TBC1D22A: variants seen among roughly 807,000 people sequenced by gnomAD.
TBC1D22A encodes TBC1 domain family member 22A.
A neutral mutation model predicts 60.2 loss-of-function variants in TBC1D22A; 38 were observed. The ratio of observed to expected loss-of-function variants is 0.63; its 90% confidence interval spans 0.49 to 0.83. TBC1D22A has a LOEUF of 0.83. Among genes scored for constraint, TBC1D22A ranks in the 40% least tolerant of loss-of-function variants. The probability of loss-of-function intolerance (pLI) is 0.00; values close to 1 mark genes in which losing one functional copy is unlikely to be tolerated. For synonymous variants in TBC1D22A, 302 were observed against 281.7 expected (o/e 1.07, Z -0.72); for missense variants, 628 against 701.0 (o/e 0.90, Z 1.18).
At chr22:46,869,568 G>A (rs1366457950) in intron 4 of TBC1D22A, among the ~76,000 whole-genome samples, 1 of 152,248 alleles carries the variant, frequency 6.6e-6, no homozygotes, top group Non-Finnish European at 1.5e-5. Context: ...TGCTCAGCAA[G>A]TGCTGGCCAC....
chr22:46,865,740 C>T (rs112545677), intron 4 of TBC1D22A, among the ~76,000 whole-genome samples: 9 of 152,334 alleles, frequency 5.9e-5, no homozygotes, highest in African/African-American at 1.9e-4. Flanking sequence ...CCAATGCCCC[C>T]CCATGGGGGA....
chr22:46,874,510 C>T (rs561691214), intron 4 of TBC1D22A, among the ~76,000 whole-genome samples: 4 of 146,586 alleles, frequency 2.7e-5, no homozygotes, highest in Non-Finnish European at 4.5e-5. Context: ...ATTTCCCTAA[C>T]GATCAGTGAT....
At chr22:46,909,322 T>TCACA in intron 7 of TBC1D22A, among the ~76,000 whole-genome samples, 2 of 151,498 alleles carry the variant, frequency 1.3e-5, no homozygotes, top group South Asian at 2.1e-4. Flanking sequence ...ACTCACACAC[T>TCACA]CACTCACTCA....
At chr22:46,780,277 A>G (rs1302199204) in intron 1 of TBC1D22A, among the ~76,000 whole-genome samples, 1 of 152,216 alleles carries the variant, frequency 6.6e-6, no homozygotes, top group Non-Finnish European at 1.5e-5. Flanking sequence ...TTTACTTCAT[A>G]TATGTGAAAT....
intron 11 of TBC1D22A, among the ~76,000 whole-genome samples, chr22:47,098,208 G>T (rs1223535882): frequency 6.6e-6 from 1 of 152,172 alleles, no homozygotes; most frequent in East Asian, 1.9e-4. Flanking sequence ...AGAGAGATGT[G>T]TTATTTTTAA....
chr22:47,101,539 C>T (rs1324253053), intron 11 of TBC1D22A, among the ~76,000 whole-genome samples: 2 of 152,232 alleles, frequency 1.3e-5, no homozygotes, highest in Admixed American at 6.5e-5. Flanking sequence ...GGCCAAGGCC[C>T]CAGGAGGAAA....
intron 8 of TBC1D22A, among the ~76,000 whole-genome samples, chr22:46,956,601 G>A (rs942920604): frequency 3.9e-4 from 59 of 152,306 alleles, no homozygotes; most frequent in Admixed American, 1.2e-3. Context: ...AGTTGAAGGC[G>A]TTGTGCTGGG....
At chr22:46,850,184 G>A (rs1246425453) in intron 4 of TBC1D22A, among the ~76,000 whole-genome samples, 1 of 152,182 alleles carries the variant, frequency 6.6e-6, no homozygotes, top group East Asian at 1.9e-4. Context: ...CGAGTGCTGA[G>A]GGGCACGCAG....
At position 47,066,992 on chromosome 22, in the gene TBC1D22A, G is replaced by A. The variant is rs143458376; in HGVS notation, c.1329+29794G>A. Reference sequence around the variant, plus strand: ...TTAAAAAAACTCATTTTGGCCAGGCGCGGTGGCTCACGCCTGTAATCCCAG... The same window carrying A: ...TTAAAAAAACTCATTTTGGCCAGGCACGGTGGCTCACGCCTGTAATCCCAG... On this transcript the variant is annotated intron_variant, in intron 11 of 12. Transcript: ENST00000337137. 8.8e-4 allele frequency among the ~76,000 whole-genome samples: 134 copies of A among 152,270 alleles called. 1 individual carries two copies. The highest frequency in any genetic ancestry group is 3.0e-3 in the African/African-American group (125 of 41,568).
intron 12 of TBC1D22A, among the ~76,000 whole-genome samples, chr22:47,150,712 G>A (rs78845708): frequency 1.4e-4 from 21 of 152,290 alleles, no homozygotes; most frequent in Non-Finnish European, 2.2e-4. Context: ...AGGCCAGTAC[G>A]CGGTCTCCCC....
chr22:46,784,919 T>C (rs1364572276), intron 1 of TBC1D22A, among the ~76,000 whole-genome samples: 3 of 152,238 alleles, frequency 2.0e-5, no homozygotes, highest in African/African-American at 7.2e-5. Flanking sequence ...GTTAAAACTT[T>C]ACCAGCTAGT....
At chr22:47,124,573 A>G (rs2066385144) in intron 12 of TBC1D22A, among the ~76,000 whole-genome samples, 2 of 152,182 alleles carry the variant, frequency 1.3e-5, no homozygotes, top group South Asian at 2.1e-4. Flanking sequence ...GAGCTAACAC[A>G]TGCCTGGTGT....
intron 5 of TBC1D22A, among the ~76,000 whole-genome samples, chr22:46,880,818 C>T (rs1268747600): frequency 1.3e-5 from 2 of 152,030 alleles, no homozygotes; most frequent in Non-Finnish European, 2.9e-5. Context: ...ACAAGGGATA[C>T]GGATGAACGT....
chr22:47,113,172 C>T (rs560914031), intron 12 of TBC1D22A, among the ~76,000 whole-genome samples: 443 of 152,308 alleles, frequency 2.9e-3, no homozygotes, highest in Middle Eastern at 0.01. Flanking sequence ...CCTGGTAGGA[C>T]GGTGCCCAGA....
chr22:47,133,681 G>A (rs2066759774), intron 12 of TBC1D22A, among the ~76,000 whole-genome samples: 1 of 152,164 alleles, frequency 6.6e-6, no homozygotes, highest in South Asian at 2.1e-4. Context: ...ACCCTTGCCT[G>A]GAGCTCTCCC....
At chr22:47,083,096 A>G (rs1465638761) in intron 11 of TBC1D22A, among the ~76,000 whole-genome samples, 1 of 152,184 alleles carries the variant, frequency 6.6e-6, no homozygotes, top group Non-Finnish European at 1.5e-5. Flanking sequence ...CACTTACGCT[A>G]AGTTCTAGAA....
At chr22:47,122,767 CG>C (rs1164278532) in intron 12 of TBC1D22A, among the ~76,000 whole-genome samples, 10 of 152,216 alleles carry the variant, frequency 6.6e-5, no homozygotes, top group Admixed American at 6.5e-4. Context: ...GAAGCAGCGG[CG>C]AGGCATCCCT....
chr22:46,984,379 A>C (rs1314486792), intron 9 of TBC1D22A, among the ~76,000 whole-genome samples: 1 of 99,542 alleles, frequency 1.0e-5, no homozygotes, highest in African/African-American at 5.4e-5. Context: ...AAAAAAAAAA[A>C]AAAAAAAAAA....
At chr22:47,104,183 G>C (rs1051022653) in intron 11 of TBC1D22A, among the ~76,000 whole-genome samples, 3 of 152,092 alleles carry the variant, frequency 2.0e-5, no homozygotes, top group African/African-American at 7.2e-5. Flanking sequence ...GTGTGTGCCT[G>C]TAGTCCCAGC....
Sources: gnomAD v4.1 joint callset for allele counts (sites outside exome capture counted in the v4.1 genomes callset) on GRCh38, gnomAD v4.1.1 for gene constraint, MANE v1.5 for transcripts, NCBI Gene and HGNC (gene_info 2026-07-23, HGNC 2026-07-21) for gene names.